The following TARS3 variants were observed in gnomAD, a reference collection of about 807,000 sequenced individuals.
TARS3 encodes the protein threonyl-tRNA synthetase 3, also known as threonine--tRNA ligase 2, cytoplasmic.
Under a neutral mutation model 103.5 loss-of-function variants are expected in TARS3, and 94 were observed. The observed-to-expected ratio is 0.91, with a 90% CI of 0.77 to 1.08. The LOEUF (loss-of-function observed/expected upper bound fraction) is 1.08. Ranked by LOEUF, TARS3 falls within the 50% of genes least tolerant of loss-of-function variation. The pLI is 0.00. For missense variants in TARS3, 952 were observed against 995.2 expected (o/e 0.96, Z 0.58); for synonymous variants, 416 against 355.4 (o/e 1.17, Z -1.92).
rs755086539 is a variant in TARS3, at chr15:101,724,404, C to T, written c.-17G>A. On this transcript the variant is annotated 5_prime_UTR_variant, in exon 1 of 19. Coordinates refer to ENST00000335968, the MANE Select transcript of TARS3 (RefSeq NM_152334.3). ...GGCCGCCATCGCGGCCTCCCTCAGGCACCGACGCCGAGCGGGGTGCCCGCG... is the reference window on the plus strand; with the variant it reads ...GGCCGCCATCGCGGCCTCCCTCAGGTACCGACGCCGAGCGGGGTGCCCGCG... 6 of 1,405,348 alleles carry T rather than the reference C, an allele frequency of 4.3e-6. No homozygotes were observed. Among genetic ancestry groups the T allele is most frequent in the Admixed American group, 6.9e-5 (2 of 29,162 alleles). The allele number at this position is 1,405,348 out of a possible 1,614,324, so 87.1% of individuals were successfully genotyped here. A position where few individuals can be genotyped will look rare whatever the true frequency, so the allele number is the denominator to read the frequency against.
rs774076929 is a variant in TARS3 at position 101,708,797 on chromosome 15, A to G, written c.926T>C (p.Phe309Ser). ...TTAGGAGTTTCCCCAAGTTACCTTA[A>G]ACATTTCCAGGAGGATTTCCTTGCT... The part of the protein sequence containing the change: ...EVSKEILLEM[F>S]KYNKFKCRIL... The change falls in exon 6 of 19, where the codon TTT becomes TCT. Residue 309 changes from phenylalanine to serine, a missense_variant. By Grantham distance (155) the Phe-to-Ser change is radical. Around this residue, in one of 2 missense-constraint regions of TARS3, gnomAD observed 540 missense variants for 631.0 expected, o/e 0.86. Transcript: ENST00000335968. 6.2e-7 allele frequency: 1 copy of G among 1,607,482 alleles called. No homozygotes were observed. The highest frequency in any genetic ancestry group is 8.5e-7 in the Non-Finnish European group (1 of 1,174,152).
chr15:101,716,084 T>C (rs1156576041), intron 3 of TARS3, among the ~76,000 whole-genome samples: 1 of 152,024 alleles, frequency 6.6e-6, no homozygotes, highest in Admixed American at 6.6e-5. Context: ...TGGTGCAATC[T>C]TGGCTCACCG....
intron 3 of TARS3, among the ~76,000 whole-genome samples, chr15:101,719,762 A>C (rs1426684390): frequency 6.6e-6 from 1 of 152,252 alleles, no homozygotes; most frequent in Non-Finnish European, 1.5e-5. Context: ...CCTACCTAGG[A>C]GACAGCAGAT....
intron 18 of TARS3, among the ~76,000 whole-genome samples, chr15:101,655,283 T>C (rs1345661252): frequency 1.1e-4 from 12 of 114,158 alleles, no homozygotes; most frequent in Admixed American, 3.6e-4. Flanking sequence ...TCACAGTGAC[T>C]CCACCTGGCA....
chr15:101,699,744 G>C (rs1450919535), intron 10 of TARS3, among the ~76,000 whole-genome samples: 1 of 152,016 alleles, frequency 6.6e-6, no homozygotes, highest in African/African-American at 2.4e-5. Context: ...CAGCCTCCAG[G>C]GGCACAGCAC....
At chr15:101,670,182 T>C (rs1041356541) in intron 15 of TARS3, among the ~76,000 whole-genome samples, 2 of 152,180 alleles carry the variant, frequency 1.3e-5, no homozygotes, top group African/African-American at 4.8e-5. Context: ...TTGTATTTAA[T>C]AACTCAGGAT....
Position 101,724,357 on chromosome 15 carries a change from CGGCCTCCGCCGCCAG to C in TARS3, c.16_30del (p.Leu6_Ala10del), listed in dbSNP as rs774904478. 4.7e-5 allele frequency: 72 copies of C among 1,540,068 alleles called. No homozygotes were observed. The highest frequency in any genetic ancestry group is 2.4e-4 in the South Asian group (20 of 83,764). On this transcript the variant is annotated inframe_deletion, in exon 1 of 19. Coordinates refer to ENST00000335968, the MANE Select transcript of TARS3 (RefSeq NM_152334.3). ...TCCTGCCGCTCCAGGCGCGACGCCA[CGGCCTCCGCCGCCAG>C]GGCCTCGGCCGCCATCGCGGCCTCC...
chr15:101,698,269 G>A (rs1198937149), intron 10 of TARS3, among the ~76,000 whole-genome samples: 3 of 152,138 alleles, frequency 2.0e-5, no homozygotes, highest in African/African-American at 4.8e-5. Flanking sequence ...GAGGCAGGAG[G>A]TTGCAGTGAG....
intron 15 of TARS3, among the ~76,000 whole-genome samples, chr15:101,671,270 T>C (rs1897789726): frequency 6.6e-6 from 1 of 152,210 alleles, no homozygotes; most frequent in Non-Finnish European, 1.5e-5. Context: ...ACTTTGTTCA[T>C]ATCTCTACTC....
At chr15:101,667,106 TA>T (rs1897610325) in intron 15 of TARS3, among the ~76,000 whole-genome samples, 3 of 152,318 alleles carry the variant, frequency 2.0e-5, no homozygotes, top group Middle Eastern at 3.4e-3. Flanking sequence ...CAATGAGCAG[TA>T]ATCTTTTGAA....
intron 7 of TARS3, among the ~76,000 whole-genome samples, chr15:101,705,198 C>G (rs1382683162): frequency 6.6e-6 from 1 of 152,200 alleles, no homozygotes; most frequent in Non-Finnish European, 1.5e-5. Flanking sequence ...TACATTTGAT[C>G]CTGCCTTTGT....
intron 13 of TARS3, among the ~76,000 whole-genome samples, chr15:101,675,057 A>T (rs1254782704): frequency 6.6e-6 from 1 of 152,022 alleles, no homozygotes; most frequent in Admixed American, 6.5e-5. Flanking sequence ...CAGGAAACAC[A>T]CTATATCCTT....
chr15:101,656,027 A>C (rs1392255820), intron 18 of TARS3: 1 of 1,289,114 alleles, frequency 7.8e-7, no homozygotes, highest in Non-Finnish European at 1.0e-6. Context: ...CGGTCTGCAG[A>C]TAAGTGGAAT....
intron 5 of TARS3, 129 bp from the exon 6 acceptor site, chr15:101,709,039 C>G (rs1899723332): frequency 1.6e-6 from 1 of 636,736 alleles, no homozygotes. Flanking sequence ...TTCAGAAAGT[C>G]AAACGTTCAT....
At chr15:101,655,020 A>G (rs147636804) in intron 18 of TARS3, among the ~76,000 whole-genome samples, 222 of 151,774 alleles carry the variant, frequency 1.5e-3, no homozygotes, top group Non-Finnish European at 2.0e-3. Context: ...TAGGGCGCAA[A>G]TGAGAGCGGG....
intron 1 of TARS3, among the ~76,000 whole-genome samples, chr15:101,723,697 C>G (rs908529926): frequency 2.0e-5 from 3 of 152,092 alleles, no homozygotes; most frequent in African/African-American, 7.2e-5. Flanking sequence ...CAAAAAAAAC[C>G]CAACAACAAA....
chr15:101,656,475 G>A (rs1897202056), intron 18 of TARS3, among the ~76,000 whole-genome samples: 1 of 152,148 alleles, frequency 6.6e-6, no homozygotes, highest in Non-Finnish European at 1.5e-5. Context: ...ATGCTAAAAG[G>A]ACATTTTACT....
intron 18 of TARS3, among the ~76,000 whole-genome samples, chr15:101,654,991 CACTG>C (rs1897144645): frequency 6.6e-6 from 1 of 152,152 alleles, no homozygotes; most frequent in African/African-American, 2.4e-5. Flanking sequence ...TACAGACTCA[CACTG>C]ACTGCACCTG....
rs749173262 is a variant in TARS3, at chr15:101,654,594, C to T, written c.2397G>A (p.Glu799=). 1.9e-6 allele frequency: 3 copies of T among 1,613,270 alleles called. No individual in the cohort carries two copies. The highest frequency in any genetic ancestry group is 1.1e-5 in the South Asian group (1 of 90,866). The change falls in exon 19 of 19, where the codon GAG becomes GAA. Residue 799 remains glutamate, a synonymous_variant. Transcript: ENST00000335968. Reference sequence around the variant, plus strand: ...TCAGGGAAGGACTTCAAAAGGCCTCCTCAGCATTGAGTGTCCGTGTCTTCC... The same window carrying T: ...TCAGGGAAGGACTTCAAAAGGCCTCTTCAGCATTGAGTGTCCGTGTCTTCC... The part of the protein sequence containing the change: ...NLRKTRTLNA[E]EAF
Sources: gnomAD v4.1 joint callset for allele counts (sites outside exome capture counted in the v4.1 genomes callset) on GRCh38, gnomAD v4.1.1 for gene constraint, gnomAD v4.1.1 regional missense constraint, MANE v1.5 for transcripts, NCBI Gene and HGNC (gene_info 2026-07-23, HGNC 2026-07-21) for gene names.